Variants in TSGA10 observed in about 807,000 individuals in gnomAD.
TSGA10 encodes testis specific 10.
In TSGA10, 43 loss-of-function variants were observed where a neutral mutation model predicts 96.6. The ratio of observed to expected loss-of-function variants is 0.44; its 90% CI spans 0.35 to 0.57. The LOEUF (loss-of-function observed/expected upper bound fraction) is 0.57. Among genes scored for constraint, TSGA10 ranks in the 20% least tolerant of loss-of-function variants. The pLI is 0.01. For synonymous variants in TSGA10, 229 were observed against 269.9 expected (o/e 0.85, Z 1.48); for missense variants, 703 against 834.4 (o/e 0.84, Z 1.94).
intron 10 of TSGA10, among the ~76,000 whole-genome samples, chr2:99,084,883 T>G (rs1203696433): frequency 6.6e-6 from 1 of 151,688 alleles, no homozygotes; most frequent in Non-Finnish European, 1.5e-5. Context: ...TATAAGACAT[T>G]TGAGATGGCC....
rs140882835 is a variant in TSGA10, at chr2:99,017,491, C to T, written c.2072+709G>A. Among the ~76,000 whole-genome samples the T allele has an allele frequency of 1.0e-2, 1,515 of 152,242 alleles. 12 individuals carry two copies. Among genetic ancestry groups the T allele is most frequent in the Middle Eastern group, 0.017 (5 of 294 alleles). On this transcript the variant is annotated intron_variant, in intron 20 of 20. Transcript: ENST00000393483. ...TATAAGAATGATACATTGGGCCGGGCGCGGTGGCTCACGCCTGTAATCCCA... is the reference window on the plus strand; with the variant it reads ...TATAAGAATGATACATTGGGCCGGGTGCGGTGGCTCACGCCTGTAATCCCA...
intron 18 of TSGA10, among the ~76,000 whole-genome samples, chr2:99,019,879 T>C (rs2079857888): frequency 6.6e-6 from 1 of 152,194 alleles, no homozygotes; most frequent in Non-Finnish European, 1.5e-5. Context: ...ATGCAGGTGT[T>C]CTTCTAGGTA....
chr2:99,102,032 G>C, intron 10 of TSGA10: 2 of 1,396,102 alleles, frequency 1.4e-6, no homozygotes, highest in South Asian at 1.2e-5. Flanking sequence ...AATTAAAGAA[G>C]TACAGCCATG....
chr2:99,059,747 T>C (rs754663722), intron 16 of TSGA10, among the ~76,000 whole-genome samples: 14 of 149,150 alleles, frequency 9.4e-5, no homozygotes, highest in Non-Finnish European at 2.1e-4. Flanking sequence ...ACCCCGTTTC[T>C]ACAAAAAAAT....
At position 99,014,148 on chromosome 2, in the gene TSGA10, CTG is replaced by C. The variant is rs1164872880; in HGVS notation, c.2072+4050_2072+4051del. On this transcript the variant is annotated intron_variant, in intron 20 of 20. Coordinates refer to ENST00000393483, the MANE Select transcript of TSGA10 (RefSeq NM_025244.4). ...CCAGCCTGGGCAACAGAGCGAGACTCTGTCTCAAAAAAATAAATAAATAAATA... is the reference window on the plus strand; with the variant it reads ...CCAGCCTGGGCAACAGAGCGAGACTCTCTCAAAAAAATAAATAAATAAATA... 2.0e-5 allele frequency among the ~76,000 whole-genome samples: 3 copies of C among 152,040 alleles called. No individual in the cohort carries two copies. In the East Asian group the frequency reaches 5.8e-4, roughly 29 times the overall value.
At chr2:99,134,536 C>T (rs1470107917) in intron 1 of TSGA10, among the ~76,000 whole-genome samples, 1 of 152,162 alleles carries the variant, frequency 6.6e-6, no homozygotes, top group African/African-American at 2.4e-5. Flanking sequence ...GCTCCTATAG[C>T]TCAGAGGAGC....
intron 20 of TSGA10, among the ~76,000 whole-genome samples, chr2:99,003,732 A>T (rs2078191558): frequency 6.6e-6 from 1 of 152,256 alleles, no homozygotes; most frequent in Non-Finnish European, 1.5e-5. Flanking sequence ...TGAAGGCAGA[A>T]AGATGTTCTT....
chr2:99,116,841 G>A (rs2092297869), intron 4 of TSGA10, among the ~76,000 whole-genome samples: 1 of 152,172 alleles, frequency 6.6e-6, no homozygotes, highest in Non-Finnish European at 1.5e-5. Flanking sequence ...TCAGGGTAAT[G>A]GGGATATCCA....
At chr2:99,042,640 C>T (rs536197218) in intron 16 of TSGA10, among the ~76,000 whole-genome samples, 20 of 152,194 alleles carry the variant, frequency 1.3e-4, no homozygotes, top group African/African-American at 4.6e-4. Flanking sequence ...ACTGACTACA[C>T]ATACATACGT....
At chr2:99,095,035 G>A (rs369096440) in intron 10 of TSGA10, among the ~76,000 whole-genome samples, 2 of 151,832 alleles carry the variant, frequency 1.3e-5, no homozygotes, top group South Asian at 2.1e-4. Context: ...AAGAAATTGT[G>A]GTATATATAT....
At chr2:99,031,793 C>T (rs979264520) in intron 17 of TSGA10, among the ~76,000 whole-genome samples, 1 of 152,172 alleles carries the variant, frequency 6.6e-6, no homozygotes, top group East Asian at 1.9e-4. Context: ...TCTGCAGCAG[C>T]ATTAGATTCT....
intron 4 of TSGA10, among the ~76,000 whole-genome samples, chr2:99,112,213 T>C (rs1458969913): frequency 1.3e-5 from 2 of 152,050 alleles, no homozygotes; most frequent in Non-Finnish European, 2.9e-5. Flanking sequence ...CTGGGTAAAG[T>C]AATGAATAAA....
chr2:99,118,499 A>G, intron 3 of TSGA10, 52 bp downstream of exon 3: 1 of 655,508 alleles, frequency 1.5e-6, no homozygotes, highest in Non-Finnish European at 1.9e-6. Context: ...ACGTATATAT[A>G]TGTGTATTAT....
At chr2:99,082,263 C>T (rs143657209) in intron 10 of TSGA10, among the ~76,000 whole-genome samples, 37 of 152,142 alleles carry the variant, frequency 2.4e-4, no homozygotes, top group African/African-American at 8.7e-4. Flanking sequence ...CACCTGGTTC[C>T]GTTGCTTTTT....
chr2:99,023,374 C>T (rs954538409), intron 17 of TSGA10, among the ~76,000 whole-genome samples: 2 of 151,752 alleles, frequency 1.3e-5, no homozygotes, highest in African/African-American at 4.8e-5. Flanking sequence ...TTGCCACTTT[C>T]TTGATGATAT....
intron 10 of TSGA10, among the ~76,000 whole-genome samples, chr2:99,099,780 T>C (rs1040079382): frequency 6.6e-6 from 1 of 152,146 alleles, no homozygotes; most frequent in Non-Finnish European, 1.5e-5. Flanking sequence ...AAAAGAATAC[T>C]TGCAGATAAC....
chr2:99,124,574 ACT>A (rs986418921), intron 2 of TSGA10, among the ~76,000 whole-genome samples: 1 of 152,000 alleles, frequency 6.6e-6, no homozygotes, highest in African/African-American at 2.4e-5. Context: ...ATGAAATAAT[ACT>A]GTTACATTAT....
chr2:99,105,297 G>A (rs2091226282), intron 9 of TSGA10, 62 bp downstream of exon 9: 1 of 1,373,986 alleles, frequency 7.3e-7, no homozygotes, highest in Non-Finnish European at 1.0e-6. Flanking sequence ...AGAAAAAGGA[G>A]AAAGGGGAAA....
intron 14 of TSGA10, 106 bp from the exon 15 acceptor site, chr2:99,069,104 A>T (rs1424295221): frequency 2.1e-6 from 1 of 472,114 alleles, no homozygotes. Flanking sequence ...TAAAATTAAC[A>T]TACCTAATAT....
Sources: allele counts gnomAD v4.1 joint callset (sites outside exome capture counted in the v4.1 genomes callset), GRCh38; gene constraint gnomAD v4.1.1; transcripts MANE v1.5; gene names NCBI Gene and HGNC (gene_info 2026-07-23, HGNC 2026-07-21).